DRC5: variants seen among roughly 807,000 people sequenced by gnomAD.
DRC5 encodes the protein T-complex-associated testis-expressed protein 1.
the DRC5 span, among the ~76,000 whole-genome samples, chr6:44,292,122 C>T: frequency 6.6e-6 from 1 of 152,234 alleles, no homozygotes; most frequent in South Asian, 2.1e-4. Context: ...TCTAGCAGCT[C>T]ACCACTGCTC....
At chr6:44,281,090 T>C in the DRC5 span, among the ~76,000 whole-genome samples, 1 of 152,162 alleles carries the variant, frequency 6.6e-6, no homozygotes, top group Non-Finnish European at 1.5e-5. Context: ...TGAGCAAGGC[T>C]GTTCTCATGG....
the DRC5 span, among the ~76,000 whole-genome samples, chr6:44,293,628 A>G: frequency 6.6e-6 from 1 of 152,130 alleles, no homozygotes; most frequent in African/African-American, 2.4e-5. Context: ...TAGCCACAAT[A>G]CACTACCCCT....
At chr6:44,287,785 C>T in the DRC5 span, 5 of 1,614,124 alleles carry the variant, frequency 3.1e-6, no homozygotes, top group Non-Finnish European at 4.2e-6. Context: ...TGAGGAGTGG[C>T]TGGGGTCCAA....
the DRC5 span, chr6:44,286,551 G>C: frequency 5.1e-5 from 81 of 1,593,862 alleles, no homozygotes; most frequent in East Asian, 1.3e-3. Context: ...ACAGAGGAAG[G>C]AGCGCAGGGG....
the DRC5 span, chr6:44,286,122 GT>G: frequency 2.5e-6 from 4 of 1,613,984 alleles, no homozygotes; most frequent in Middle Eastern, 1.6e-4. Flanking sequence ...AGATCGCCCA[GT>G]TGGTAGTGGT....
chr6:44,291,719 A>G, the DRC5 span, among the ~76,000 whole-genome samples: 1 of 152,178 alleles, frequency 6.6e-6, no homozygotes, highest in Non-Finnish European at 1.5e-5. Flanking sequence ...CAGCTGTGAC[A>G]TCCCAGGAGA....
At chr6:44,297,505 G>A in the DRC5 span, among the ~76,000 whole-genome samples, 3 of 152,220 alleles carry the variant, frequency 2.0e-5, no homozygotes, top group African/African-American at 4.8e-5. Flanking sequence ...GCGCTTCCCC[G>A]CCACGGAAAA....
At chr6:44,290,836 T>C in the DRC5 span, among the ~76,000 whole-genome samples, 1 of 151,812 alleles carries the variant, frequency 6.6e-6, no homozygotes, top group Non-Finnish European at 1.5e-5. Flanking sequence ...CAGTCCCTTC[T>C]CCTTCTTCTC....
the DRC5 span, among the ~76,000 whole-genome samples, chr6:44,288,109 G>A: frequency 1.9e-3 from 283 of 152,260 alleles, no homozygotes; most frequent in Non-Finnish European, 3.1e-3. Flanking sequence ...AATGAAGGTC[G>A]CAGTTCCAGT....
At chr6:44,284,891 C>T in the DRC5 span, among the ~76,000 whole-genome samples, 108,493 of 152,118 alleles carry the variant, frequency 0.71, 40,000 homozygotes, top group Non-Finnish European at 0.81. Context: ...CCCTCACAGA[C>T]GGAGTGACAT....
the DRC5 span, among the ~76,000 whole-genome samples, chr6:44,294,684 G>A: frequency 7.1e-6 from 1 of 140,980 alleles, no homozygotes; most frequent in African/African-American, 2.6e-5. Context: ...GGAAAAAAAT[G>A]AAGGTTGAAC....
the DRC5 span, chr6:44,279,849 G>C: frequency 4.2e-6 from 1 of 237,978 alleles, no homozygotes. Flanking sequence ...GAGTCAGGGA[G>C]GCAGGCAGCC....
At chr6:44,282,598 G>C in the DRC5 span, 1 of 1,522,836 alleles carries the variant, frequency 6.6e-7, no homozygotes, top group East Asian at 2.3e-5. Context: ...CTGCCAGCCA[G>C]GGATAATCAG....
the DRC5 span, among the ~76,000 whole-genome samples, chr6:44,289,444 G>A: frequency 1.3e-5 from 2 of 152,058 alleles, no homozygotes; most frequent in Non-Finnish European, 2.9e-5. Flanking sequence ...TTCATATGAG[G>A]TCTTCAAAAT....
chr6:44,280,028 C>T, the DRC5 span: 1 of 689,988 alleles, frequency 1.4e-6, no homozygotes, highest in Admixed American at 2.9e-5. Flanking sequence ...CCTTCCCTGC[C>T]TCATGTCTCC....
At chr6:44,282,324 T>G in the DRC5 span, 71 of 1,614,062 alleles carry the variant, frequency 4.4e-5, no homozygotes, top group Non-Finnish European at 4.2e-5. Flanking sequence ...GAGGTTGGTG[T>G]TGTGTGCCAG....
the DRC5 span, chr6:44,280,115 G>A: frequency 7.1e-7 from 1 of 1,415,544 alleles, no homozygotes; most frequent in Non-Finnish European, 9.9e-7. Context: ...GTGATACTCT[G>A]CAGCAGGCAT....
chr6:44,280,060 T>G, the DRC5 span: 1 of 924,152 alleles, frequency 1.1e-6, no homozygotes, highest in Admixed American at 2.0e-5. Flanking sequence ...CCTTGATCAC[T>G]CCAAGGTTAT....
the DRC5 span, among the ~76,000 whole-genome samples, chr6:44,284,588 TC>T: frequency 2.7e-4 from 41 of 152,200 alleles, no homozygotes; most frequent in Non-Finnish European, 4.7e-4. Context: ...TCAAAACTGA[TC>T]CTCTTCCCAC....
Sources: allele counts gnomAD v4.1 joint callset (sites outside exome capture counted in the v4.1 genomes callset), GRCh38; gene constraint gnomAD v4.1.1; transcripts MANE v1.5; gene names NCBI Gene and HGNC (gene_info 2026-07-23, HGNC 2026-07-21).